The following KDM3A variants were observed in gnomAD, a reference collection of about 807,000 sequenced individuals.
The protein encoded by KDM3A is lysine-specific demethylase 3A.
A neutral mutation model predicts 158.0 loss-of-function variants in KDM3A; 60 were observed. The ratio of observed to expected loss-of-function variants is 0.38; its 90% CI spans 0.31 to 0.47. The LOEUF is 0.47. Among genes scored for constraint, KDM3A ranks in the 20% least tolerant of loss-of-function variants. The pLI is 0.99. For synonymous variants in KDM3A, 608 were observed against 549.3 expected (o/e 1.11, Z -1.49); for missense variants, 1,319 against 1,574.3 (o/e 0.84, Z 2.74).
chr2:86,460,717 C>T (rs989845763), intron 8 of KDM3A: 4 of 152,128 alleles, frequency 2.6e-5, no homozygotes, highest in South Asian at 2.1e-4. Context: ...GAATGTGAGC[C>T]GGCAGTGTCC....
rs768379146 is a variant in KDM3A, at chr2:86,457,016, A to T, written c.788A>T (p.Lys263Met). 2 of 1,603,686 alleles carry T rather than the reference A, an allele frequency of 1.2e-6. No individual in the cohort carries two copies. Among genetic ancestry groups the T allele is most frequent in the African/African-American group, 2.7e-5 (2 of 74,680 alleles). ...GCAAGAATTGGAGCTGTAAAACGCA[A>T]GTCTTCTGAGAATAATGGAACCCTG... ...NSARIGAVKR[K>M]SSENNGTLVS... Residue 263 changes from lysine to methionine, a missense_variant, in exon 8 of 26, where the codon AAG becomes ATG. This residue lies in a region of KDM3A where 652 missense variants were observed against 627.2 expected (regional missense o/e 1.04). Transcript: ENST00000312912.
chr2:86,455,953 CAAAAAAAAAAA>C (rs574299612), intron 5 of KDM3A, among the ~76,000 whole-genome samples: 1 of 56,194 alleles, frequency 1.8e-5, no homozygotes, highest in Non-Finnish European at 3.7e-5. Flanking sequence ...GACCCTGTCT[CAAAAAAAAAAA>C]AAAAAAAAAG....
rs891187985 is a variant in KDM3A at position 86,441,393 on chromosome 2, G to C, written c.-82G>C. 1 of 152,370 alleles carries C rather than the reference G, an allele frequency of 6.6e-6. No homozygotes were observed. The highest frequency in any genetic ancestry group is 2.4e-5 in the African/African-American group (1 of 41,452). The allele number at this position is 152,370 out of a possible 1,614,324, so 9.4% of individuals were successfully genotyped here. A position where few individuals can be genotyped will look rare whatever the true frequency, so the allele number is the denominator to read the frequency against. The stretch of plus-strand genomic sequence containing the variant: ...ACCAAGTCAGCGCTGGAGTCGGCTA[G>C]GCGGCTGGAAACGGCGGCTGCCGCC... On this transcript the variant is annotated 5_prime_UTR_variant, in exon 1 of 26. Transcript: ENST00000312912.
intron 2 of KDM3A, among the ~76,000 whole-genome samples, chr2:86,445,126 G>A (rs910891686): frequency 1.3e-5 from 2 of 152,248 alleles, no homozygotes; most frequent in East Asian, 1.9e-4. Context: ...TAATATTCAG[G>A]TAGAGCGAGG....
At chr2:86,454,260 C>G (rs1402331180) in intron 4 of KDM3A, among the ~76,000 whole-genome samples, 2 of 152,176 alleles carry the variant, frequency 1.3e-5, no homozygotes, top group East Asian at 3.8e-4. Flanking sequence ...TTTAAGGGGC[C>G]TTAGAAAATA....
Position 86,457,018 on chromosome 2 carries a change from T to G in KDM3A, c.790T>G (p.Ser264Ala). The stretch of plus-strand genomic sequence containing the variant: ...AAGAATTGGAGCTGTAAAACGCAAG[T>G]CTTCTGAGAATAATGGAACCCTGGT... ...SARIGAVKRK[S>A]SENNGTLVSK... is the part of the protein sequence containing the mutation. The change falls in exon 8 of 26, where the codon TCT becomes GCT. Residue 264 changes from serine to alanine, a missense_variant. Ser to Ala is a moderately conservative substitution (Grantham distance 99). Transcript: ENST00000312912. The G allele has an allele frequency of 6.2e-7, 1 of 1,602,946 alleles. No homozygotes were observed. The highest frequency in any genetic ancestry group is 8.5e-7 in the Non-Finnish European group (1 of 1,173,418).
upstream of KDM3A, among the ~76,000 whole-genome samples, chr2:86,439,932 T>C (rs1284730850): frequency 6.6e-6 from 1 of 152,236 alleles, no homozygotes; most frequent in African/African-American, 2.4e-5. Context: ...CATTTGCTTA[T>C]GGTCAATTTA....
chr2:86,456,319 T>C (rs1672691732), intron 5 of KDM3A, 123 bp from the exon 6 acceptor site: 4 of 691,644 alleles, frequency 5.8e-6, no homozygotes, highest in Middle Eastern at 4.1e-4. Flanking sequence ...TTGTAGTGAT[T>C]CTTTTAATGT....
At chr2:86,478,802 C>A (rs954088501) in intron 15 of KDM3A, 67 bp downstream of exon 15, 1 of 1,510,706 alleles carries the variant, frequency 6.6e-7, no homozygotes. Context: ...TCAAATAACC[C>A]AAGGATTTCT....
chr2:86,485,507 T>C (rs980675517), intron 20 of KDM3A, among the ~76,000 whole-genome samples: 1 of 152,250 alleles, frequency 6.6e-6, no homozygotes, highest in Non-Finnish European at 1.5e-5. Context: ...AGATCTTTTG[T>C]CTGAACGGTT....
intron 4 of KDM3A, among the ~76,000 whole-genome samples, chr2:86,453,220 C>T (rs925852100): frequency 2.6e-5 from 4 of 152,082 alleles, no homozygotes; most frequent in South Asian, 2.1e-4. Context: ...GTCATTAATA[C>T]GATATACAAT....
intron 25 of KDM3A, 77 bp from the exon 26 acceptor site, chr2:86,491,962 G>A (rs1271396767): frequency 4.5e-6 from 4 of 888,436 alleles, no homozygotes; most frequent in Non-Finnish European, 7.1e-6. Flanking sequence ...AATAAAATTA[G>A]TAGGAGGAAG....
rs377510357 is a variant in KDM3A at position 86,474,221 on chromosome 2, TCTC to T, written c.1725-550_1725-548del. On this transcript the variant is annotated intron_variant, in intron 11 of 25. Transcript: ENST00000312912. ...AGTGCAAAATATACCTCTCTCCCCT[TCTC>T]CTCCCTCCTCTTTCCCCTGTCTAGC... is the stretch of plus-strand genomic sequence containing the variant. 2.6e-4 allele frequency among the ~76,000 whole-genome samples: 40 copies of T among 152,274 alleles called. No homozygotes were observed. The East Asian group carries it at 5.0e-3, about 19-fold the overall frequency.
chr2:86,482,447 C>G lies in KDM3A; in HGVS notation c.2686-11C>G. ...GACATATTTGAGACTTTTGTTCTTT[C>G]TCCAATTCAGACAGAAAATGGACTC... On this transcript the variant is annotated splice_polypyrimidine_tract_variant and intron_variant, in intron 17 of 25. Transcript: ENST00000312912. The G allele has an allele frequency of 1.2e-6, 2 of 1,611,618 alleles. No homozygotes were observed. Among genetic ancestry groups the G allele is most frequent in the Non-Finnish European group, 1.7e-6 (2 of 1,179,282 alleles).
At chr2:86,446,491 A>G (rs1558602732) in intron 2 of KDM3A, among the ~76,000 whole-genome samples, 1 of 152,162 alleles carries the variant, frequency 6.6e-6, no homozygotes, top group East Asian at 1.9e-4. Flanking sequence ...TCATCTGGTC[A>G]GGAGGTCAGG....
chr2:86,471,035 T>A (rs1323407208), intron 11 of KDM3A, among the ~76,000 whole-genome samples: 14 of 152,090 alleles, frequency 9.2e-5, no homozygotes, highest in Admixed American at 9.2e-4. Context: ...TCAGAAGGTG[T>A]GTGTGTTTTA....
At chr2:86,446,100 A>G (rs1269526215) in intron 2 of KDM3A, among the ~76,000 whole-genome samples, 2 of 152,208 alleles carry the variant, frequency 1.3e-5, no homozygotes, top group Admixed American at 6.5e-5. Context: ...ATTAATTCAT[A>G]TATCAGAAAG....
intron 2 of KDM3A, 132 bp downstream of exon 2, chr2:86,442,365 C>T: frequency 1.2e-6 from 1 of 844,692 alleles, no homozygotes; most frequent in African/African-American, 1.7e-5. Flanking sequence ...GTGCAGGAAG[C>T]TAGATCTTGA....
chr2:86,446,594 C>A (rs1448790613), intron 2 of KDM3A, among the ~76,000 whole-genome samples: 2 of 152,102 alleles, frequency 1.3e-5, no homozygotes, highest in Non-Finnish European at 2.9e-5. Context: ...CCTGTAATCC[C>A]AGCTACTTGG....
Sources: allele counts gnomAD v4.1 joint callset (sites outside exome capture counted in the v4.1 genomes callset), GRCh38; gene constraint gnomAD v4.1.1; regional missense constraint gnomAD v4.1.1; transcripts MANE v1.5; gene names NCBI Gene and HGNC (gene_info 2026-07-23, HGNC 2026-07-21).